MGAT5: variants seen among roughly 807,000 people sequenced by gnomAD.
The protein encoded by MGAT5 is alpha-1,6-mannosylglycoprotein 6-beta-N-acetylglucosaminyltransferase.
Under a neutral mutation model 94.3 loss-of-function variants are expected in MGAT5, and 30 were observed. The ratio of observed to expected loss-of-function variants is 0.32; its 90% CI spans 0.24 to 0.43. MGAT5 has a LOEUF of 0.43. MGAT5 is among the 20% of genes least tolerant of loss of function. MGAT5 has a pLI of 1.00. For synonymous variants in MGAT5, 310 were observed against 322.9 expected (o/e 0.96, Z 0.43); for missense variants, 691 against 905.5 (o/e 0.76, Z 3.04).
chr2:134,127,236 A>G (rs1685883019), intron 1 of MGAT5: 1 of 154,702 alleles, frequency 6.5e-6, no homozygotes, highest in Admixed American at 6.5e-5. Context: ...ACACAGCTTC[A>G]AGCCCCTCTG....
intron 1 of MGAT5, among the ~76,000 whole-genome samples, chr2:134,164,541 A>C (rs980447517): frequency 1.3e-5 from 2 of 152,012 alleles, no homozygotes; most frequent in African/African-American, 4.8e-5. Flanking sequence ...GTGCTTCCTG[A>C]GGTGTGGTTG....
chr2:134,387,332 A>ATATATATATATATATATATATTTTTTT, intron 10 of MGAT5, among the ~76,000 whole-genome samples: 1 of 24,274 alleles, frequency 4.1e-5, no homozygotes, highest in Non-Finnish European at 6.4e-5. Flanking sequence ...ATATATATAT[A>ATATATATATATATATATATATTTTTTT]TTTTTTTTTT....
intron 2 of MGAT5, among the ~76,000 whole-genome samples, chr2:134,289,999 T>C (rs376591356): frequency 6.6e-6 from 1 of 152,220 alleles, no homozygotes; most frequent in East Asian, 1.9e-4. Context: ...GTATATATGC[T>C]GAGTGCTATG....
chr2:134,137,910 A>G (rs1295781868), intron 1 of MGAT5, among the ~76,000 whole-genome samples: 1 of 151,862 alleles, frequency 6.6e-6, no homozygotes, highest in Non-Finnish European at 1.5e-5. Flanking sequence ...TGCAAATGGA[A>G]ATAGCAAAGT....
At chr2:134,364,319 G>T (rs1680283527) in intron 10 of MGAT5, among the ~76,000 whole-genome samples, 1 of 152,144 alleles carries the variant, frequency 6.6e-6, no homozygotes. Flanking sequence ...GACTAACATG[G>T]TGAAACCCTG....
intron 2 of MGAT5, among the ~76,000 whole-genome samples, chr2:134,284,958 T>G (rs1199202267): frequency 6.6e-6 from 1 of 152,232 alleles, no homozygotes; most frequent in Non-Finnish European, 1.5e-5. Context: ...GTTGTAAATG[T>G]TTCAGGTGTT....
At chr2:134,440,968 CTTTA>C (rs1685455991) in intron 14 of MGAT5, among the ~76,000 whole-genome samples, 1 of 152,114 alleles carries the variant, frequency 6.6e-6, no homozygotes. Flanking sequence ...TGTTTTGGGT[CTTTA>C]TTTAGAAGTT....
chr2:134,281,555 T>C (rs1400557350), intron 2 of MGAT5, among the ~76,000 whole-genome samples: 1 of 152,156 alleles, frequency 6.6e-6, no homozygotes, highest in Non-Finnish European at 1.5e-5. Flanking sequence ...TCAAACACTA[T>C]AGCCATCTCA....
chr2:134,192,494 G>A (rs1679275834), intron 1 of MGAT5, among the ~76,000 whole-genome samples: 2 of 152,006 alleles, frequency 1.3e-5, no homozygotes, highest in South Asian at 4.1e-4. Context: ...GCTAGTTTTG[G>A]GGATGTAAAT....
At chr2:134,240,733 T>C (rs1190215969) in intron 1 of MGAT5, among the ~76,000 whole-genome samples, 1 of 152,212 alleles carries the variant, frequency 6.6e-6, no homozygotes, top group Non-Finnish European at 1.5e-5. Context: ...GCATATCTGA[T>C]AGTATTTTTT....
intron 1 of MGAT5, among the ~76,000 whole-genome samples, chr2:134,130,898 ACTCTGTCAAAATGGACCAATCAGCC>A (rs1416905573): frequency 1.3e-5 from 2 of 152,204 alleles, no homozygotes; most frequent in Non-Finnish European, 2.9e-5. Flanking sequence ...ACCAATCAGC[ACTCTGTCAAAATGGACCAATCAGCC>A]CTCTGTAAAA....
At chr2:134,140,389 G>T (rs1248717947) in intron 1 of MGAT5, among the ~76,000 whole-genome samples, 1 of 152,218 alleles carries the variant, frequency 6.6e-6, no homozygotes, top group African/African-American at 2.4e-5. Context: ...ACAAGGCACT[G>T]GCTGGCAAGT....
intron 13 of MGAT5, among the ~76,000 whole-genome samples, chr2:134,424,883 T>C (rs905682642): frequency 3.3e-5 from 5 of 152,226 alleles, no homozygotes. Flanking sequence ...TCTGTATGTA[T>C]CTCTGTCTTT....
At chr2:134,325,281 G>T (rs1687577578) in intron 4 of MGAT5, among the ~76,000 whole-genome samples, 1 of 152,028 alleles carries the variant, frequency 6.6e-6, no homozygotes, top group Non-Finnish European at 1.5e-5. Context: ...GGGCTTCAAT[G>T]CTGTCATCTC....
chr2:134,173,118 A>G (rs1398615894), intron 1 of MGAT5, among the ~76,000 whole-genome samples: 2 of 152,160 alleles, frequency 1.3e-5, no homozygotes, highest in African/African-American at 4.8e-5. Context: ...TCCTTTGGAA[A>G]CTCAAAGGGA....
intron 1 of MGAT5, among the ~76,000 whole-genome samples, chr2:134,171,407 A>G (rs747903632): frequency 6.6e-6 from 1 of 152,184 alleles, no homozygotes; most frequent in Non-Finnish European, 1.5e-5. Context: ...GCTTTGGTTT[A>G]ATGCCTCCTG....
chr2:134,266,463 C>T (rs539750435), intron 1 of MGAT5, among the ~76,000 whole-genome samples: 21 of 152,292 alleles, frequency 1.4e-4, no homozygotes, highest in African/African-American at 3.8e-4. Flanking sequence ...TCAGGTGATC[C>T]GCCTGCCTCG....
At chr2:134,333,417 C>T (rs1204231702) in intron 4 of MGAT5, among the ~76,000 whole-genome samples, 2 of 118,822 alleles carry the variant, frequency 1.7e-5, no homozygotes, top group Non-Finnish European at 3.2e-5. Flanking sequence ...GGGAACATCA[C>T]ACTCTGGGGA....
At chr2:134,176,102 A>G (rs939602125) in intron 1 of MGAT5, among the ~76,000 whole-genome samples, 1 of 152,192 alleles carries the variant, frequency 6.6e-6, no homozygotes, top group Non-Finnish European at 1.5e-5. Context: ...GGGAAGGTTA[A>G]GACTACTGTT....
Sources: gnomAD v4.1 joint callset for allele counts (sites outside exome capture counted in the v4.1 genomes callset) on GRCh38, gnomAD v4.1.1 for gene constraint, MANE v1.5 for transcripts, NCBI Gene and HGNC (gene_info 2026-07-23, HGNC 2026-07-21) for gene names.